The following PTPRN2 variants were observed in gnomAD, a reference collection of about 807,000 sequenced individuals.
The protein encoded by PTPRN2 is protein tyrosine phosphatase receptor type N2, also known as receptor-type tyrosine-protein phosphatase N2.
Under a neutral mutation model 118.8 loss-of-function variants are expected in PTPRN2, and 74 were observed. The ratio of observed to expected loss-of-function variants is 0.62; its 90% CI spans 0.52 to 0.76. The LOEUF (loss-of-function observed/expected upper bound fraction) is 0.76, where lower values mean the gene tolerates loss of function less well. Ranked by LOEUF, PTPRN2 falls within the 30% of genes least tolerant of loss-of-function variation. PTPRN2 has a pLI of 0.00. For synonymous variants in PTPRN2, 641 were observed against 608.0 expected (o/e 1.05, Z -0.80); for missense variants, 1,481 against 1,394.4 (o/e 1.06, Z -0.99).
intron 1 of PTPRN2, chr7:158,541,921 G>A (rs575065615): frequency 5.7e-6 from 1 of 175,008 alleles, no homozygotes; most frequent in Admixed American, 6.5e-5. Context: ...GAAGTAAACT[G>A]GCCTAGCTCA....
At chr7:157,567,147 G>A (rs567337994) in intron 21 of PTPRN2, among the ~76,000 whole-genome samples, 102 of 152,184 alleles carry the variant, frequency 6.7e-4, no homozygotes, top group Non-Finnish European at 1.2e-3. Flanking sequence ...TGTAAATTTG[G>A]AAAGGAAAAG....
chr7:157,956,813 A>G (rs566618385), intron 11 of PTPRN2, among the ~76,000 whole-genome samples: 8 of 152,372 alleles, frequency 5.3e-5, no homozygotes, highest in African/African-American at 1.9e-4. Flanking sequence ...TTGGTTTCTT[A>G]GCCTGTGAGT....
At chr7:157,880,619 G>C (rs972829319) in intron 12 of PTPRN2, among the ~76,000 whole-genome samples, 1 of 152,208 alleles carries the variant, frequency 6.6e-6, no homozygotes, top group Admixed American at 6.5e-5. Flanking sequence ...TCTCCACGCT[G>C]AGCATCGTTG....
At chr7:158,355,931 C>T (rs913205416) in intron 2 of PTPRN2, among the ~76,000 whole-genome samples, 2 of 152,146 alleles carry the variant, frequency 1.3e-5, no homozygotes, top group South Asian at 2.1e-4. Context: ...TATCTGCCCT[C>T]GAAACAGAAT....
At chr7:158,171,300 T>TATATAC (rs1429813626) in intron 5 of PTPRN2, among the ~76,000 whole-genome samples, 639 of 28,068 alleles carry the variant, frequency 0.023, 34 homozygotes, top group African/African-American at 0.026. Flanking sequence ...CACACATATA[T>TATATAC]ATACACACAT....
intron 13 of PTPRN2, among the ~76,000 whole-genome samples, chr7:157,675,007 C>T (rs576923538): frequency 5.0e-4 from 76 of 152,312 alleles, no homozygotes; most frequent in African/African-American, 1.8e-3. Context: ...TCAAGCACAG[C>T]GCCCCTTGGG....
At chr7:157,717,604 C>T (rs953375885) in intron 12 of PTPRN2, among the ~76,000 whole-genome samples, 3 of 152,168 alleles carry the variant, frequency 2.0e-5, no homozygotes, top group African/African-American at 2.4e-5. Context: ...CGCTCCCTTG[C>T]GTCTCCTCAT....
chr7:157,901,327 C>T (rs548874335), intron 11 of PTPRN2, among the ~76,000 whole-genome samples: 15 of 152,038 alleles, frequency 9.9e-5, no homozygotes, highest in Non-Finnish European at 1.5e-4. Context: ...ATGGCGGGGC[C>T]GAACCAACCA....
At chr7:157,846,985 T>A (rs1241484610) in intron 12 of PTPRN2, among the ~76,000 whole-genome samples, 30 of 122,110 alleles carry the variant, frequency 2.5e-4, no homozygotes, top group East Asian at 1.7e-3. Context: ...CTCTCACTCC[T>A]TCATGTGTGG....
chr7:158,579,657 C>T (rs1416428065), intron 1 of PTPRN2, among the ~76,000 whole-genome samples: 1 of 152,236 alleles, frequency 6.6e-6, no homozygotes, highest in African/African-American at 2.4e-5. Flanking sequence ...TTAATTTGTG[C>T]TCTTGAAACA....
intron 13 of PTPRN2, among the ~76,000 whole-genome samples, chr7:157,665,901 A>C (rs1796113598): frequency 6.6e-6 from 1 of 152,196 alleles, no homozygotes; most frequent in Non-Finnish European, 1.5e-5. Context: ...ATCAAACACC[A>C]CATGTTCTCA....
At position 157,903,871 on chromosome 7, in the gene PTPRN2, C is replaced by T. The variant is rs1006112548; in HGVS notation, c.1724-5134G>A. 2.0e-5 allele frequency among the ~76,000 whole-genome samples: 3 copies of T among 152,304 alleles called. No homozygotes were observed. The highest frequency in any genetic ancestry group is 4.4e-5 in the Non-Finnish European group (3 of 68,032). ...CATCCAGGCTGTGGATTTCCATGCA[C>T]GCTTCACAAGCAGCTGTGAGGACCA... is the stretch of plus-strand genomic sequence containing the variant. On this transcript the variant is annotated intron_variant, in intron 11 of 22. Transcript: ENST00000389418. This position sits in a 1 kb window ranked among gnomAD's most constrained non-coding sequence, Gnocchi z 4.2.
At chr7:158,498,903 C>A (rs1586810669) in intron 1 of PTPRN2, among the ~76,000 whole-genome samples, 2 of 152,296 alleles carry the variant, frequency 1.3e-5, no homozygotes, top group South Asian at 4.2e-4. Flanking sequence ...ATGTATTGCT[C>A]AGGATTGCTG....
At chr7:158,160,248 G>C (rs1327300955) in intron 6 of PTPRN2, among the ~76,000 whole-genome samples, 1 of 152,154 alleles carries the variant, frequency 6.6e-6, no homozygotes, top group Non-Finnish European at 1.5e-5. Flanking sequence ...AGGGAGATTG[G>C]GGTGGAGTCT....
At position 158,223,658 on chromosome 7, in the gene PTPRN2, C is replaced by CT. The variant is rs1310312181; in HGVS notation, c.278-18386dup. ...TCAGAAAAATAGAAATCAAGGGGCA[C>CT]TTTATCAAGCTAACAATAAACATCT... On this transcript the variant is annotated intron_variant, in intron 3 of 22. Coordinates refer to ENST00000389418, the MANE Select transcript of PTPRN2 (RefSeq NM_002847.5). Among the ~76,000 whole-genome samples the CT allele has an allele frequency of 7.2e-5, 11 of 152,156 alleles. No individual in the cohort carries two copies. In the East Asian group the frequency reaches 2.1e-3, roughly 29 times the overall value.
chr7:157,597,820 G>C (rs1298190014), intron 16 of PTPRN2, among the ~76,000 whole-genome samples: 1 of 152,220 alleles, frequency 6.6e-6, no homozygotes. Context: ...CCGTCCTGTG[G>C]GGGCCACTGG....
intron 5 of PTPRN2, among the ~76,000 whole-genome samples, chr7:158,169,752 G>A (rs756645805): frequency 7.9e-5 from 12 of 152,070 alleles, no homozygotes; most frequent in Non-Finnish European, 1.8e-4. Flanking sequence ...GAGTGCAGTG[G>A]CACATCTCGG....
At chr7:157,840,521 G>T (rs1200469037) in intron 12 of PTPRN2, among the ~76,000 whole-genome samples, 3 of 152,240 alleles carry the variant, frequency 2.0e-5, no homozygotes, top group Non-Finnish European at 4.4e-5. Context: ...GTGTGACTGT[G>T]TAACCATGTC....
chr7:157,544,836 C>G (rs952766371), intron 22 of PTPRN2, among the ~76,000 whole-genome samples: 5 of 151,968 alleles, frequency 3.3e-5, no homozygotes, highest in African/African-American at 4.8e-5. Context: ...GGAATGTGTG[C>G]GGGTGTGTGT....
Sources: gnomAD v4.1 joint callset for allele counts (sites outside exome capture counted in the v4.1 genomes callset) on GRCh38, gnomAD v4.1.1 for gene constraint, Gnocchi (gnomAD v3.1) non-coding constraint, MANE v1.5 for transcripts, NCBI Gene and HGNC (gene_info 2026-07-23, HGNC 2026-07-21) for gene names.